AFF4: variants seen among roughly 807,000 people sequenced by gnomAD.
AFF4 encodes the protein ALF transcription elongation factor 4.
In AFF4, 13 loss-of-function variants were observed where a neutral mutation model predicts 124.8. The observed-to-expected ratio is 0.10, with a 90% confidence interval of 0.07 to 0.17. AFF4 has a LOEUF of 0.17. AFF4 is among the 10% of genes least tolerant of loss of function. AFF4 has a pLI of 1.00. For synonymous variants in AFF4, 477 were observed against 496.1 expected (o/e 0.96, Z 0.51); for missense variants, 1,092 against 1,403.8 (o/e 0.78, Z 3.55).
Position 132,896,654 on chromosome 5 carries a change from A to G in AFF4, c.1976T>C (p.Leu659Pro). Reference protein sequence around the residue: ...SSSDSDESESLPPSSQTPKYP... With the variant: ...SSSDSDESESPPPSSQTPKYP... ...CTTAGGAGTTTGTGAGGAAGGAGGA[A>G]GGCTCTCACTTTCATCTGAATCTGA... Residue 659 changes from leucine (L) to proline (P), a missense_variant, in exon 11 of 21, where the codon CTT becomes CCT. This residue lies in a region of AFF4 where 174 missense variants were observed against 205.9 expected (regional missense o/e 0.84). Transcript: ENST00000265343. 1 of 1,613,970 alleles carries G rather than the reference A, an allele frequency of 6.2e-7. No individual in the cohort carries two copies. Among genetic ancestry groups the G allele is most frequent in the Non-Finnish European group, 8.5e-7 (1 of 1,179,966 alleles).
intron 13 of AFF4, among the ~76,000 whole-genome samples, chr5:132,890,814 A>G (rs920990707): frequency 1.1e-4 from 16 of 152,040 alleles, no homozygotes; most frequent in African/African-American, 3.9e-4. Context: ...ATATTTCCTC[A>G]TTACCCAGCA....
Position 132,887,874 on chromosome 5 carries a change from T to C in AFF4, c.2905A>G (p.Met969Val). Residue 969 changes from methionine (M) to valine (V), a missense_variant, in exon 16 of 21, where the codon ATG (methionine) becomes GTG (valine). Met to Val is a conservative substitution (Grantham distance 21). This residue lies in a region of AFF4 where 173 missense variants were observed against 294.9 expected (regional missense o/e 0.59). Coordinates refer to ENST00000265343, the MANE Select transcript of AFF4 (RefSeq NM_014423.4). ...ATGAGATCCACCGTCTCTGAATACA[T>C]AGGGAATGGGGATTTGGATTCCTGA... ...NAQESKSPFP[M>V]YSETVDLIKY... is the part of the protein sequence containing the mutation. 1 of 1,613,818 alleles carries C rather than the reference T, an allele frequency of 6.2e-7. No homozygotes were observed. Among genetic ancestry groups the C allele is most frequent in the Non-Finnish European group, 8.5e-7 (1 of 1,179,912 alleles).
At chr5:132,899,220 C>CT (rs1463906380) in intron 8 of AFF4, 79 bp from the exon 9 acceptor site, 6 of 1,386,802 alleles carry the variant, frequency 4.3e-6, no homozygotes, top group Non-Finnish European at 6.0e-6. Flanking sequence ...TATCTGAACT[C>CT]TTAACAGAAA....
At chr5:132,950,564 G>A (rs552553829) in intron 1 of AFF4, among the ~76,000 whole-genome samples, 6 of 152,118 alleles carry the variant, frequency 3.9e-5, no homozygotes, top group Admixed American at 6.5e-5. Context: ...TAGGACAATC[G>A]CTTGAACCCA....
At position 132,895,307 on chromosome 5, in the gene AFF4, G is replaced by A. The variant is rs930191131; in HGVS notation, c.2307+1016C>T. 6.4e-4 allele frequency among the ~76,000 whole-genome samples: 98 copies of A among 152,188 alleles called. 2 individuals carry two copies. ...CAATTTTTAAAGATTCAAAAAAGAA[G>A]TCATGTATTATTCTAATTTGTCTGA... On this transcript the variant is annotated intron_variant, in intron 11 of 20. Transcript: ENST00000265343.
chr5:132,911,650 C>A (rs1281907685), intron 5 of AFF4, among the ~76,000 whole-genome samples: 2 of 150,478 alleles, frequency 1.3e-5, no homozygotes, highest in East Asian at 3.9e-4. Flanking sequence ...TCCTTGAAGA[C>A]GACGACAAAA....
At chr5:132,937,038 A>G in intron 2 of AFF4, 29 bp downstream of exon 2, 2 of 1,575,780 alleles carry the variant, frequency 1.3e-6, no homozygotes, top group Non-Finnish European at 8.7e-7. Context: ...TGCTAATGGG[A>G]AAAAAACATT....
Position 132,963,482 on chromosome 5 carries a change from G to A in AFF4, c.-228C>T, listed in dbSNP as rs1199366198. 2.5e-6 allele frequency: 1 copy of A among 397,964 alleles called. No homozygotes were observed. Among genetic ancestry groups the A allele is most frequent in the Admixed American group, 4.4e-5 (1 of 22,682 alleles). 24.7% of individuals were successfully genotyped at this position (397,964 alleles called of 1,614,324 possible). A position where few individuals can be genotyped will look rare whatever the true frequency, so the allele number is the denominator to read the frequency against. On this transcript the variant is annotated 5_prime_UTR_variant, in exon 1 of 21. Coordinates refer to ENST00000265343, the MANE Select transcript of AFF4 (RefSeq NM_014423.4). ...TGCGCCTCACACGGAACAGGCGTAG[G>A]CCCCGCACCGCTCCATGACGGTCGG...
intron 5 of AFF4, chr5:132,926,263 G>A (rs777725377): frequency 2.2e-6 from 1 of 464,054 alleles, no homozygotes; most frequent in Non-Finnish European, 4.3e-6. Flanking sequence ...ATTGGGGAAA[G>A]GCTATTATTA....
rs749433210 is a variant in AFF4, at chr5:132,896,948, GTTC to G, written c.1679_1681del (p.Arg560del). ...CTTTTTGGGTTGTTTTTTGCCTACA[GTTC>G]TTCTCTGTGTTGTGCTGTCACTCTG... is the stretch of plus-strand genomic sequence containing the variant. On this transcript the variant is annotated inframe_deletion, in exon 11 of 21. Coordinates refer to ENST00000265343, the MANE Select transcript of AFF4 (RefSeq NM_014423.4). 8 of 1,614,148 alleles carry G rather than the reference GTTC, an allele frequency of 5.0e-6. No individual in the cohort carries two copies. Among genetic ancestry groups the G allele is most frequent in the Non-Finnish European group, 6.8e-6 (8 of 1,180,030 alleles).
At chr5:132,930,352 A>AG (rs1761270287) in intron 4 of AFF4, among the ~76,000 whole-genome samples, 1 of 152,242 alleles carries the variant, frequency 6.6e-6, no homozygotes, top group South Asian at 2.1e-4. Flanking sequence ...GAGGCAAGAA[A>AG]GGTGGAAGGC....
chr5:132,926,807 G>C (rs1460980775), intron 5 of AFF4: 3 of 180,056 alleles, frequency 1.7e-5, no homozygotes, highest in African/African-American at 8.0e-5. Context: ...AGAGTCTCTT[G>C]GCTCAGCCTT....
Position 132,937,028 on chromosome 5 carries a change from T to G in AFF4, c.123+39A>C, listed in dbSNP as rs369653017. The G allele has an allele frequency of 8.3e-6, 13 of 1,574,694 alleles. No individual in the cohort carries two copies. In the African/African-American group the frequency reaches 1.8e-4, roughly 21 times the overall value. On this transcript the variant is annotated intron_variant, in intron 2 of 20. Transcript: ENST00000265343. Reference sequence around the variant, plus strand: ...AAACATTTTAAAAGCAAAAATGTCATGCTAATGGGAAAAAAACATTCACAG... The same window carrying G: ...AAACATTTTAAAAGCAAAAATGTCAGGCTAATGGGAAAAAAACATTCACAG...
rs187021446 is a variant in AFF4 at position 132,939,419 on chromosome 5, A to G, written c.-4-2226T>C. Among the ~76,000 whole-genome samples the G allele has an allele frequency of 9.2e-5, 14 of 152,326 alleles. No homozygotes were observed. In the East Asian group the frequency reaches 2.7e-3, roughly 29 times the overall value. On this transcript the variant is annotated intron_variant, in intron 1 of 20. Transcript: ENST00000265343. ...ACCACAAAACTTAAGTATTCATAAA[A>G]CAAAACCAAAGAACATATTATACTC...
At chr5:132,900,893 A>G (rs1399521237) in intron 7 of AFF4, 2 of 984,354 alleles carry the variant, frequency 2.0e-6, no homozygotes, top group East Asian at 1.1e-4. Flanking sequence ...TTTCATTACA[A>G]TCTCCAATCA....
rs748149682 is a variant in AFF4 at position 132,896,798 on chromosome 5, G to A, written c.1832C>T (p.Pro611Leu). 5 of 1,614,082 alleles carry A rather than the reference G, an allele frequency of 3.1e-6. No homozygotes were observed. Among genetic ancestry groups the A allele is most frequent in the Non-Finnish European group, 3.4e-6 (4 of 1,180,024 alleles). The change falls in exon 11 of 21, where the codon CCC becomes CTC. Residue 611 changes from proline to leucine, a missense_variant. Coordinates refer to ENST00000265343, the MANE Select transcript of AFF4 (RefSeq NM_014423.4). ...HKAATKGSRK[P>L]NIKKESKSSP... The stretch of plus-strand genomic sequence containing the variant: ...AGACTTAGACTCCTTCTTTATATTG[G>A]GTTTCCTTGAGCCTTTGGTGGCTGC...
chr5:132,875,458 G>C lies in AFF4; in HGVS notation c.*5601C>G. The C allele has an allele frequency of 5.5e-6, 1 of 183,272 alleles. No individual in the cohort carries two copies. 11.4% of individuals were successfully genotyped at this position (183,272 alleles called of 1,614,324 possible). The stretch of plus-strand genomic sequence containing the variant: ...GTTTCTCCAACTATGGTTTGGCATT[G>C]TACAAAGCATCTTAATGACACAGTA... On this transcript the variant is annotated 3_prime_UTR_variant, in exon 21 of 21. Transcript: ENST00000265343.
At chr5:132,946,776 T>C (rs1171253139) in intron 1 of AFF4, among the ~76,000 whole-genome samples, 4 of 152,214 alleles carry the variant, frequency 2.6e-5, no homozygotes, top group East Asian at 1.9e-4. Context: ...ATTATTAAAA[T>C]AGTAAATTTT....
chr5:132,931,869 G>T (rs1383932311), intron 4 of AFF4, among the ~76,000 whole-genome samples: 1 of 152,088 alleles, frequency 6.6e-6, no homozygotes, highest in East Asian at 1.9e-4. Flanking sequence ...GCTTGAACCT[G>T]GGAGGTGGAG....
Sources: allele counts gnomAD v4.1 joint callset (sites outside exome capture counted in the v4.1 genomes callset), GRCh38; gene constraint gnomAD v4.1.1; regional missense constraint gnomAD v4.1.1; transcripts MANE v1.5; gene names NCBI Gene and HGNC (gene_info 2026-07-23, HGNC 2026-07-21).